Variants in SCUBE1 observed in about 807,000 individuals in gnomAD.
The protein encoded by SCUBE1 is signal peptide, CUB domain and EGF like domain containing 1.
SCUBE1 carries 59 observed loss-of-function variants against 124.4 expected under a neutral mutation model. The observed-to-expected ratio is 0.47, with a 90% CI of 0.38 to 0.59. The LOEUF (loss-of-function observed/expected upper bound fraction) is 0.59. SCUBE1 is among the 20% of genes least tolerant of loss of function. The pLI is 0.00. For missense variants in SCUBE1, 1,150 were observed against 1,371.2 expected (o/e 0.84, Z 2.55); for synonymous variants, 545 against 550.9 (o/e 0.99, Z 0.15).
At position 43,200,176 on chromosome 22, in the gene SCUBE1, G is replaced by C. The variant is rs749887961; in HGVS notation, c.*3821C>G. On this transcript the variant is annotated 3_prime_UTR_variant, in exon 22 of 22. Coordinates refer to ENST00000360835, the MANE Select transcript of SCUBE1 (RefSeq NM_173050.5). ...TAGGAGCTGACCCAAGCTCAGAGGA[G>C]CCTGGAGACCGGGCAGGCGCCTCCG... 1 of 152,260 alleles carries C rather than the reference G, an allele frequency of 6.6e-6. No individual in the cohort carries two copies. Among genetic ancestry groups the C allele is most frequent in the East Asian group, 1.9e-4 (1 of 5,172 alleles). The allele number at this position is 152,260 out of a possible 1,614,324, so 9.4% of individuals were successfully genotyped here. A position where few individuals can be genotyped will look rare whatever the true frequency, so the allele number is the denominator to read the frequency against.
At chr22:43,261,026 A>T (rs891918537) in intron 5 of SCUBE1, among the ~76,000 whole-genome samples, 2 of 152,282 alleles carry the variant, frequency 1.3e-5, no homozygotes, top group Non-Finnish European at 2.9e-5. Flanking sequence ...CAGTTGGAGC[A>T]GGCCCTCGGC....
At position 43,289,668 on chromosome 22, in the gene SCUBE1, G is replaced by A. The variant is rs59919544; in HGVS notation, c.484+1378C>T. The stretch of plus-strand genomic sequence containing the variant: ...ACCTCACAGCCTCCTGCCTGCTCAC[G>A]GGAGGCTGGAACCTCATCCCATGGT... On this transcript the variant is annotated intron_variant, in intron 4 of 21. Transcript: ENST00000360835. Among the ~76,000 whole-genome samples, 644 of 152,292 alleles carry A rather than the reference G, an allele frequency of 4.2e-3. 9 individuals are homozygous for A. The highest frequency in any genetic ancestry group is 0.015 in the African/African-American group (609 of 41,560).
At chr22:43,256,141 A>G (rs947364515) in intron 6 of SCUBE1, among the ~76,000 whole-genome samples, 1 of 152,238 alleles carries the variant, frequency 6.6e-6, no homozygotes, top group Non-Finnish European at 1.5e-5. Flanking sequence ...ACACACACGC[A>G]CACACATAAT....
At chr22:43,307,669 G>C (rs1926020126) in intron 3 of SCUBE1, among the ~76,000 whole-genome samples, 1 of 152,174 alleles carries the variant, frequency 6.6e-6, no homozygotes, top group African/African-American at 2.4e-5. Context: ...GGTTCCATGG[G>C]GAGCAGAGCT....
chr22:43,272,104 C>T (rs914008827), intron 4 of SCUBE1, among the ~76,000 whole-genome samples: 2 of 152,282 alleles, frequency 1.3e-5, no homozygotes, highest in African/African-American at 2.4e-5. Context: ...GCAGCCTGGA[C>T]GGTCCCTCAA....
chr22:43,341,711 C>T (rs931907289), intron 1 of SCUBE1, among the ~76,000 whole-genome samples: 6 of 152,288 alleles, frequency 3.9e-5, no homozygotes, highest in South Asian at 4.1e-4. Flanking sequence ...GCCATGCTCC[C>T]GCTCCTGTCT....
chr22:43,296,283 C>G (rs1925556611), intron 3 of SCUBE1, among the ~76,000 whole-genome samples: 1 of 152,230 alleles, frequency 6.6e-6, no homozygotes, highest in South Asian at 2.1e-4. Context: ...GTGTCCCAAA[C>G]CACTGAGGCC....
intron 4 of SCUBE1, among the ~76,000 whole-genome samples, chr22:43,277,640 T>C (rs902595382): frequency 2.0e-5 from 3 of 152,204 alleles, no homozygotes; most frequent in Non-Finnish European, 4.4e-5. Context: ...TCAGCCTCCA[T>C]TTGCTCACCT....
chr22:43,275,438 C>T (rs1022330115), intron 4 of SCUBE1, among the ~76,000 whole-genome samples: 2 of 152,210 alleles, frequency 1.3e-5, no homozygotes. Context: ...CTCTACACTC[C>T]CATGCGGCAT....
chr22:43,325,577 G>C (rs1347008210), intron 2 of SCUBE1, among the ~76,000 whole-genome samples: 2 of 152,126 alleles, frequency 1.3e-5, no homozygotes, highest in African/African-American at 4.8e-5. Flanking sequence ...TTGAGGAGGG[G>C]TGGTGACAGG....
chr22:43,342,434 G>GGTCCC (rs2146809551), intron 1 of SCUBE1, among the ~76,000 whole-genome samples: 1 of 152,014 alleles, frequency 6.6e-6, no homozygotes, highest in Non-Finnish European at 1.5e-5. Flanking sequence ...CCTGTCAGAC[G>GGTCCC]GTCCCGGTCC....
chr22:43,266,915 A>G (rs1924091095), intron 4 of SCUBE1, among the ~76,000 whole-genome samples: 1 of 152,184 alleles, frequency 6.6e-6, no homozygotes, highest in Non-Finnish European at 1.5e-5. Flanking sequence ...TGTTACTGGC[A>G]GGCCCTGAGT....
At position 43,255,616 on chromosome 22, in the gene SCUBE1, T is replaced by A; in HGVS notation, c.727+2603A>T. The A allele has an allele frequency of 6.6e-7, 1 of 1,510,990 alleles. No homozygotes were observed. Among genetic ancestry groups the A allele is most frequent in the Non-Finnish European group, 9.0e-7 (1 of 1,111,880 alleles). 93.6% of individuals were successfully genotyped at this position (1,510,990 alleles called of 1,614,324 possible). A position where few individuals can be genotyped will look rare whatever the true frequency, so the allele number is the denominator to read the frequency against. ...AAGGGACAAACACGGAGCCAGTGGT[T>A]AATGACAGCCCACTTCCCGCGGCCC... is the stretch of plus-strand genomic sequence containing the variant. On this transcript the variant is annotated intron_variant, in intron 6 of 21. Transcript: ENST00000360835. The surrounding 1 kb of genome is among the most constrained non-coding windows in gnomAD (Gnocchi z 4.7).
intron 3 of SCUBE1, among the ~76,000 whole-genome samples, chr22:43,300,182 C>A (rs1925717108): frequency 6.6e-6 from 1 of 152,070 alleles, no homozygotes. Context: ...CCATGTGTGC[C>A]CTTTTTGAGG....
intron 17 of SCUBE1, among the ~76,000 whole-genome samples, chr22:43,212,104 C>T (rs1280978926): frequency 1.3e-5 from 2 of 148,704 alleles, no homozygotes; most frequent in Non-Finnish European, 3.0e-5. Context: ...CACACTCCTG[C>T]CCCCACACTC....
At chr22:43,326,140 C>T (rs1926720164) in intron 2 of SCUBE1, among the ~76,000 whole-genome samples, 1 of 151,954 alleles carries the variant, frequency 6.6e-6, no homozygotes, top group African/African-American at 2.4e-5. Context: ...TTAAAGCATC[C>T]CACTCTCTAC....
intron 6 of SCUBE1, among the ~76,000 whole-genome samples, chr22:43,250,496 C>T (rs549931864): frequency 1.3e-5 from 2 of 152,346 alleles, no homozygotes; most frequent in African/African-American, 4.8e-5. Flanking sequence ...CATCGCCAAG[C>T]ACTCACTCCT....
At chr22:43,242,097 A>G (rs1361080330) in intron 6 of SCUBE1, among the ~76,000 whole-genome samples, 1 of 152,228 alleles carries the variant, frequency 6.6e-6, no homozygotes, top group Non-Finnish European at 1.5e-5. Flanking sequence ...AGGGAACAAC[A>G]GTGAAACTGA....
At chr22:43,251,298 G>A (rs751906033) in intron 6 of SCUBE1, among the ~76,000 whole-genome samples, 6 of 152,228 alleles carry the variant, frequency 3.9e-5, no homozygotes, top group East Asian at 1.9e-4. Context: ...GGCTCAGCCA[G>A]TGAAAAGGGC....
Sources: gnomAD v4.1 joint callset for allele counts (sites outside exome capture counted in the v4.1 genomes callset) on GRCh38, gnomAD v4.1.1 for gene constraint, Gnocchi (gnomAD v3.1) non-coding constraint, MANE v1.5 for transcripts, NCBI Gene and HGNC (gene_info 2026-07-23, HGNC 2026-07-21) for gene names.